The following PHKB variants were observed in gnomAD, a reference collection of about 807,000 sequenced individuals.
The protein encoded by PHKB is phosphorylase b kinase regulatory subunit beta.
PHKB carries 122 observed loss-of-function variants against 152.1 expected under a neutral mutation model. The observed-to-expected ratio is 0.80, with a 90% confidence interval of 0.69 to 0.93. The LOEUF (loss-of-function observed/expected upper bound fraction) is 0.93. PHKB is among the 40% of genes least tolerant of loss of function. The pLI is 0.00. For synonymous variants in PHKB, 436 were observed against 464.9 expected (o/e 0.94, Z 0.80); for missense variants, 1,304 against 1,328.4 (o/e 0.98, Z 0.29).
chr16:47,600,957 A>G (rs1317704722), intron 13 of PHKB, among the ~76,000 whole-genome samples: 2 of 152,174 alleles, frequency 1.3e-5, no homozygotes, highest in East Asian at 1.9e-4. Context: ...TAGCCTCGCT[A>G]GTAGATGGGA....
intron 1 of PHKB, chr16:47,463,786 A>G: frequency 1.4e-6 from 1 of 691,360 alleles, no homozygotes; most frequent in East Asian, 2.7e-5. Flanking sequence ...AATGATCCTC[A>G]GTTACTGCCT....
intron 25 of PHKB, among the ~76,000 whole-genome samples, chr16:47,667,923 C>T (rs1973567603): frequency 6.6e-6 from 1 of 152,186 alleles, no homozygotes; most frequent in Admixed American, 6.5e-5. Context: ...GTGCCTGGAC[C>T]ATTGCTCATC....
chr16:47,546,745 AG>A (rs1274847839), intron 6 of PHKB, among the ~76,000 whole-genome samples: 1 of 151,984 alleles, frequency 6.6e-6, no homozygotes, highest in Non-Finnish European at 1.5e-5. Context: ...GTCCTCCTTG[AG>A]CTGTGGTGGG....
intron 7 of PHKB, among the ~76,000 whole-genome samples, chr16:47,579,042 T>C (rs767310084): frequency 1.3e-5 from 2 of 152,118 alleles, no homozygotes; most frequent in Non-Finnish European, 2.9e-5. Context: ...GTTACCATAG[T>C]GTCGTTCATA....
Sources: allele counts gnomAD v4.1 joint callset (sites outside exome capture counted in the v4.1 genomes callset), GRCh38; gene constraint gnomAD v4.1.1; transcripts MANE v1.5; gene names NCBI Gene and HGNC (gene_info 2026-07-23, HGNC 2026-07-21).